The following FGF12 variants were observed in gnomAD, a reference collection of about 807,000 sequenced individuals.
FGF12 encodes fibroblast growth factor 12B.
Under a neutral mutation model 23.6 loss-of-function variants are expected in FGF12, and 14 were observed. The observed-to-expected ratio is 0.59, with a 90% CI of 0.39 to 0.93. FGF12 has a LOEUF of 0.93. FGF12 is among the 40% of genes least tolerant of loss of function. The pLI is 0.00. For missense variants in FGF12, 175 were observed against 217.8 expected (o/e 0.80, Z 1.24); for synonymous variants, 62 against 77.3 (o/e 0.80, Z 1.04).
chr3:192,719,802 A>AAAAAAAAAAAAAAAAAAAC (rs1553849219), intron 2 of FGF12, among the ~76,000 whole-genome samples: 1 of 138,960 alleles, frequency 7.2e-6, no homozygotes, highest in Non-Finnish European at 1.5e-5. Context: ...AAAAAAAAAA[A>AAAAAAAAAAAAAAAAAAAC]AAGAAAAACA....
chr3:192,508,832 C>T (rs753075169), intron 2 of FGF12, among the ~76,000 whole-genome samples: 4 of 152,158 alleles, frequency 2.6e-5, no homozygotes, highest in Non-Finnish European at 5.9e-5. Context: ...TTTTCAAGCT[C>T]AGAGAGATTA....
At chr3:192,320,110 C>T (rs543616385) in intron 4 of FGF12, among the ~76,000 whole-genome samples, 2 of 152,230 alleles carry the variant, frequency 1.3e-5, no homozygotes, top group Non-Finnish European at 2.9e-5. Context: ...AAGAAATACA[C>T]TTTACCTAGA....
intron 2 of FGF12, among the ~76,000 whole-genome samples, chr3:192,520,091 C>T (rs114373035): frequency 0.038 from 5,766 of 152,264 alleles, 270 homozygotes; most frequent in African/African-American, 0.11. Context: ...TGTCCTCATT[C>T]TTACTGGGGT....
chr3:192,343,177 T>A (rs1364014988), intron 3 of FGF12, among the ~76,000 whole-genome samples: 1 of 152,122 alleles, frequency 6.6e-6, no homozygotes, highest in African/African-American at 2.4e-5. Context: ...ATCTATTTTG[T>A]CAAATGGCCA....
intron 4 of FGF12, among the ~76,000 whole-genome samples, chr3:192,211,032 T>C (rs969341757): frequency 6.6e-6 from 1 of 152,130 alleles, no homozygotes; most frequent in Non-Finnish European, 1.5e-5. Context: ...GTCTCATATC[T>C]CGAAAGGATA....
At chr3:192,507,195 A>T (rs939301280) in intron 2 of FGF12, among the ~76,000 whole-genome samples, 1 of 152,006 alleles carries the variant, frequency 6.6e-6, no homozygotes, top group Admixed American at 6.6e-5. Context: ...CCCGGCCATG[A>T]ACTCAGTTTT....
At chr3:192,340,216 CT>C (rs942326546) in intron 3 of FGF12, among the ~76,000 whole-genome samples, 10 of 152,028 alleles carry the variant, frequency 6.6e-5, no homozygotes, top group Non-Finnish European at 1.3e-4. Context: ...ATGCCAAGTG[CT>C]TTCTTTCACT....
At chr3:192,216,377 A>C (rs1344007574) in intron 4 of FGF12, among the ~76,000 whole-genome samples, 1 of 152,222 alleles carries the variant, frequency 6.6e-6, no homozygotes, top group Non-Finnish European at 1.5e-5. Flanking sequence ...TGTCTTTAAC[A>C]ACAAAATGGA....
intron 3 of FGF12, among the ~76,000 whole-genome samples, chr3:192,357,901 T>G (rs1718548662): frequency 6.6e-6 from 1 of 152,214 alleles, no homozygotes. Context: ...GCAGCACTAT[T>G]TGTAATGGCC....
intron 4 of FGF12, among the ~76,000 whole-genome samples, chr3:192,332,854 A>G (rs74604139): frequency 1.3e-5 from 2 of 152,238 alleles, no homozygotes; most frequent in East Asian, 3.9e-4. Flanking sequence ...ATTGCTTTTC[A>G]AAGAAATTCT....
chr3:192,427,885 C>G (rs948000265), intron 2 of FGF12, among the ~76,000 whole-genome samples: 1 of 152,210 alleles, frequency 6.6e-6, no homozygotes, highest in Non-Finnish European at 1.5e-5. Flanking sequence ...TCTTCTCATG[C>G]CTGCTGGCAT....
intron 2 of FGF12, among the ~76,000 whole-genome samples, chr3:192,477,736 C>G (rs1453396055): frequency 1.3e-5 from 2 of 152,060 alleles, no homozygotes; most frequent in Admixed American, 6.6e-5. Context: ...TTATTAGTAG[C>G]AGAAAATTGC....
chr3:192,501,079 G>A (rs1724120939), intron 2 of FGF12, among the ~76,000 whole-genome samples: 1 of 152,100 alleles, frequency 6.6e-6, no homozygotes, highest in Non-Finnish European at 1.5e-5. Flanking sequence ...ATAAGATGCA[G>A]AGAGATAAGT....
chr3:192,432,774 C>T (rs1198043704), intron 2 of FGF12, among the ~76,000 whole-genome samples: 1 of 152,166 alleles, frequency 6.6e-6, no homozygotes, highest in Non-Finnish European at 1.5e-5. Context: ...GCACGGCAAA[C>T]ACTTGGCAGT....
At chr3:192,167,700 TAGC>T (rs1715246529) in intron 5 of FGF12, among the ~76,000 whole-genome samples, 1 of 124,824 alleles carries the variant, frequency 8.0e-6, no homozygotes, top group Admixed American at 9.3e-5. Flanking sequence ...AAAGTACAGA[TAGC>T]AGCTAAAATT....
At chr3:192,176,809 C>T (rs550660846) in intron 4 of FGF12, among the ~76,000 whole-genome samples, 1 of 152,122 alleles carries the variant, frequency 6.6e-6, no homozygotes, top group Non-Finnish European at 1.5e-5. Flanking sequence ...AGGTTGCAAG[C>T]AAATTTTGTT....
At chr3:192,701,451 T>C (rs1718295066) in intron 2 of FGF12, among the ~76,000 whole-genome samples, 1 of 152,190 alleles carries the variant, frequency 6.6e-6, no homozygotes, top group South Asian at 2.1e-4. Flanking sequence ...TTTTACACAG[T>C]GAAACTCTTT....
intron 2 of FGF12, among the ~76,000 whole-genome samples, chr3:192,531,614 T>C (rs1189427763): frequency 1.3e-5 from 2 of 152,202 alleles, no homozygotes; most frequent in African/African-American, 4.8e-5. Context: ...TTAAAACGTA[T>C]AATTATTTTA....
intron 2 of FGF12, among the ~76,000 whole-genome samples, chr3:192,638,090 ATGTGTG>A (rs1257985341): frequency 6.6e-6 from 1 of 151,892 alleles, no homozygotes; most frequent in East Asian, 1.9e-4. Flanking sequence ...TGCCAAAGCT[ATGTGTG>A]TGTGTGTTTG....
Sources: gnomAD v4.1 joint callset for allele counts (sites outside exome capture counted in the v4.1 genomes callset) on GRCh38, gnomAD v4.1.1 for gene constraint, MANE v1.5 for transcripts, NCBI Gene and HGNC (gene_info 2026-07-23, HGNC 2026-07-21) for gene names.